The following LRRC72 variants were observed in gnomAD, a reference collection of about 807,000 sequenced individuals.
LRRC72 encodes the protein leucine rich repeat containing 72.
In LRRC72, 41 loss-of-function variants were observed where a neutral mutation model predicts 35.8. That is an observed-to-expected ratio of 1.15 (90% CI 0.89 to 1.49). The LOEUF is 1.49. Among genes scored for constraint, LRRC72 ranks in the 40% most tolerant of loss-of-function variants. The pLI, the probability that LRRC72 is intolerant of heterozygous loss-of-function variation, is 0.00. For synonymous variants in LRRC72, 118 were observed against 119.2 expected, an observed-to-expected ratio of 0.99 and a Z score of 0.07; for missense variants, 389 against 330.7, an observed-to-expected ratio of 1.18 and a Z score of -1.37.
intron 7 of LRRC72, among the ~76,000 whole-genome samples, chr7:16,573,969 C>G (rs1009483872): frequency 1.2e-4 from 18 of 152,216 alleles, no homozygotes; most frequent in African/African-American, 4.3e-4. Flanking sequence ...AAAACACAAC[C>G]TCATCAAAAA....
chr7:16,547,540 G>A (rs543687771), intron 3 of LRRC72, among the ~76,000 whole-genome samples: 1 of 152,196 alleles, frequency 6.6e-6, no homozygotes, highest in Non-Finnish European at 1.5e-5. Context: ...CACTCTCGGG[G>A]ACCCAGGAAG....
Position 16,581,396 on chromosome 7 carries a change from T to C in LRRC72, c.771T>C (p.Ser257=). The change falls in exon 9 of 9, where the codon TCT becomes TCC. Residue 257 remains serine, a synonymous_variant. Transcript: ENST00000401542. ...SMKRSVMTLT[S]MNWDTVPTRE... Reference sequence around the variant, plus strand: ...AGAGATCAGTGATGACTTTGACCTCTATGAACTGGGACACAGTTCCAACAC... The same window carrying C: ...AGAGATCAGTGATGACTTTGACCTCCATGAACTGGGACACAGTTCCAACAC... 6.5e-7 allele frequency: 1 copy of C among 1,550,338 alleles called. No individual in the cohort carries two copies. The highest frequency in any genetic ancestry group is 8.7e-7 in the Non-Finnish European group (1 of 1,146,750).
At chr7:16,549,899 G>A (rs1039054094) in intron 3 of LRRC72, among the ~76,000 whole-genome samples, 105 of 152,154 alleles carry the variant, frequency 6.9e-4, no homozygotes, top group Admixed American at 2.0e-3. Flanking sequence ...ATTCCTGTTA[G>A]AGTACCAGAA....
At chr7:16,565,429 CAAA>C (rs11284083) in intron 5 of LRRC72, among the ~76,000 whole-genome samples, 1 of 115,326 alleles carries the variant, frequency 8.7e-6, no homozygotes, top group Non-Finnish European at 1.9e-5. Flanking sequence ...AAGACTCTGT[CAAA>C]AAAAAAAAAA....
intron 7 of LRRC72, among the ~76,000 whole-genome samples, chr7:16,568,381 C>A (rs1782886663): frequency 6.6e-6 from 1 of 151,858 alleles, no homozygotes; most frequent in Non-Finnish European, 1.5e-5. Context: ...AACCAATTAT[C>A]TAGAAATAAA....
At chr7:16,530,322 T>C (rs1782140174) in intron 1 of LRRC72, 2 of 152,192 alleles carry the variant, frequency 1.3e-5, no homozygotes, top group South Asian at 2.1e-4. Flanking sequence ...AGAAGATGGA[T>C]GTCCTAACTC....
chr7:16,537,565 C>T (rs529305845), intron 2 of LRRC72, 62 bp from the exon 3 acceptor site: 6 of 1,027,148 alleles, frequency 5.8e-6, no homozygotes, highest in African/African-American at 1.6e-5. Flanking sequence ...TAACTACATG[C>T]CCAGACTTAC....
intron 3 of LRRC72, among the ~76,000 whole-genome samples, chr7:16,548,609 A>C (rs1227177508): frequency 6.6e-6 from 1 of 152,208 alleles, no homozygotes; most frequent in Non-Finnish European, 1.5e-5. Context: ...CAATCCCTGG[A>C]ACTGCCTGTC....
intron 3 of LRRC72, among the ~76,000 whole-genome samples, chr7:16,546,674 A>G (rs1782448405): frequency 1.3e-5 from 2 of 152,062 alleles, no homozygotes; most frequent in Non-Finnish European, 2.9e-5. Flanking sequence ...GTCTGACCTT[A>G]TTACCTGCCA....
intron 3 of LRRC72, among the ~76,000 whole-genome samples, chr7:16,541,942 C>G (rs1782364786): frequency 1.4e-5 from 2 of 144,160 alleles, no homozygotes; most frequent in South Asian, 4.3e-4. Context: ...CACAGACAGA[C>G]AGACACACAC....
Position 16,564,044 on chromosome 7 carries a change from T to G in LRRC72, c.428-2269T>G, listed in dbSNP as rs143296481. On this transcript the variant is annotated intron_variant, in intron 5 of 8. Transcript: ENST00000401542. ...AGGATTAGCAGAAAAACCCAAGAAA[T>G]GAAATGAAATGGATAGTAATGTCCT... Among the ~76,000 whole-genome samples the G allele has an allele frequency of 2.7e-3, 406 of 152,196 alleles. 6 individuals are homozygous for G. The highest frequency in any genetic ancestry group is 0.012 in the Admixed American group (182 of 15,284).
At chr7:16,568,635 CCAGA>C (rs1562752067) in intron 7 of LRRC72, among the ~76,000 whole-genome samples, 2 of 152,044 alleles carry the variant, frequency 1.3e-5, no homozygotes, top group Non-Finnish European at 2.9e-5. Context: ...CTTAGACTGA[CCAGA>C]CAATTACCAG....
At chr7:16,542,223 A>G (rs939127642) in intron 3 of LRRC72, among the ~76,000 whole-genome samples, 4 of 152,152 alleles carry the variant, frequency 2.6e-5, no homozygotes, top group African/African-American at 4.8e-5. Flanking sequence ...CACAAAATGG[A>G]CTTGCAGATG....
At chr7:16,566,229 T>A (rs1404380100) in intron 5 of LRRC72, 84 bp from the exon 6 acceptor site, 1 of 727,796 alleles carries the variant, frequency 1.4e-6, no homozygotes, top group Admixed American at 4.0e-5. Flanking sequence ...TTTATACGAA[T>A]CTCTTAATTT....
intron 3 of LRRC72, among the ~76,000 whole-genome samples, chr7:16,540,657 G>T (rs1221562561): frequency 6.6e-6 from 1 of 152,110 alleles, no homozygotes. Context: ...GAGGTGATTG[G>T]ATCATGGGGG....
chr7:16,580,629 G>A (rs1005972871), intron 8 of LRRC72, among the ~76,000 whole-genome samples: 2 of 152,132 alleles, frequency 1.3e-5, no homozygotes, highest in African/African-American at 4.8e-5. Flanking sequence ...GGGTGACAGA[G>A]TGAGACTCTG....
chr7:16,537,824 T>C (rs749187450), intron 3 of LRRC72, 128 bp downstream of exon 3: 30 of 566,196 alleles, frequency 5.3e-5, no homozygotes, highest in Non-Finnish European at 8.1e-5. Flanking sequence ...AAGAAACCCA[T>C]ATAAAACATA....
chr7:16,572,682 C>A (rs1782968924), intron 7 of LRRC72, among the ~76,000 whole-genome samples: 1 of 152,034 alleles, frequency 6.6e-6, no homozygotes, highest in South Asian at 2.1e-4. Flanking sequence ...TATGACAGAC[C>A]CACAGCCAAT....
intron 7 of LRRC72, among the ~76,000 whole-genome samples, chr7:16,572,207 A>T (rs1782959108): frequency 6.6e-6 from 1 of 152,242 alleles, no homozygotes; most frequent in Non-Finnish European, 1.5e-5. Flanking sequence ...ATGTATTCAC[A>T]GCTGAGTTCT....
Sources: gnomAD v4.1 joint callset for allele counts (sites outside exome capture counted in the v4.1 genomes callset) on GRCh38, gnomAD v4.1.1 for gene constraint, MANE v1.5 for transcripts, NCBI Gene and HGNC (gene_info 2026-07-23, HGNC 2026-07-21) for gene names.